RAD51AP2: variants seen among roughly 807,000 people sequenced by gnomAD.
RAD51AP2 encodes the protein RAD51 associated protein 2, also known as RAD51-associated protein 2.
RAD51AP2 carries 67 observed loss-of-function variants against 85.5 expected under a neutral mutation model. That is an observed-to-expected ratio of 0.78 (90% CI 0.64 to 0.96). The LOEUF is 0.96. Among genes scored for constraint, RAD51AP2 ranks in the 40% least tolerant of loss-of-function variants. The pLI, the probability that RAD51AP2 is intolerant of heterozygous loss-of-function variation, is 0.00. For missense variants in RAD51AP2, 1,307 were observed against 1,332.4 expected (o/e 0.98, Z 0.30); for synonymous variants, 474 against 446.5 (o/e 1.06, Z -0.78).
chr2:17,513,743 C>G (rs1662565904), intron 2 of RAD51AP2, among the ~76,000 whole-genome samples: 1 of 152,170 alleles, frequency 6.6e-6, no homozygotes, highest in Non-Finnish European at 1.5e-5. Flanking sequence ...ATATGCAACA[C>G]TTAACATATA....
chr2:17,510,801 A>C lies in RAD51AP2; in HGVS notation c.*3T>G. On this transcript the variant is annotated 3_prime_UTR_variant, in exon 3 of 3. Transcript: ENST00000399080. Reference sequence around the variant, plus strand: ...TGTTGTAAAATGTTTTGAAATATGAAAGTCAAAAATTTTCTTTTAAGTTTC... The same window carrying C: ...TGTTGTAAAATGTTTTGAAATATGACAGTCAAAAATTTTCTTTTAAGTTTC... 2 of 1,548,436 alleles carry C rather than the reference A, an allele frequency of 1.3e-6. No homozygotes were observed. The highest frequency in any genetic ancestry group is 2.4e-5 in the South Asian group (2 of 82,622).
rs1227006413 is a variant in RAD51AP2 at position 17,517,241 on chromosome 2, G to A, written c.1175C>T (p.Ser392Phe). ...DSYVLTRLEK[S>F]QNWDCNVRHI... ...TCTAACGTTACAGTCCCAGTTTTGAGATTTTTCCAGCCTGGTAAGTACGTA... is the reference window on the plus strand; with the variant it reads ...TCTAACGTTACAGTCCCAGTTTTGAAATTTTTCCAGCCTGGTAAGTACGTA... The change falls in exon 1 of 3, where the codon TCT becomes TTT. Residue 392 changes from serine to phenylalanine, a missense_variant. Around this residue, in one of 3 missense-constraint regions of RAD51AP2, gnomAD observed 635 missense variants for 643.6 expected, o/e 0.99. Transcript: ENST00000399080. 4 of 1,613,878 alleles carry A rather than the reference G, an allele frequency of 2.5e-6. No individual in the cohort carries two copies. The South Asian group carries it at 3.3e-5, about 13-fold the overall frequency.
Position 17,515,593 on chromosome 2 carries a change from T to C in RAD51AP2, c.2823A>G (p.Glu941=). ...ATTTAGCAGCTAAGTCCTGAAAACATTCATCATTCCCTTCACTCAGACCAG... is the reference window on the plus strand; with the variant it reads ...ATTTAGCAGCTAAGTCCTGAAAACACTCATCATTCCCTTCACTCAGACCAG... ...FETGLSEGND[E]CFQDLAAKYL... Residue 941 remains glutamate (E), a synonymous_variant, in exon 1 of 3, where the codon GAA becomes GAG. Coordinates refer to ENST00000399080, the MANE Select transcript of RAD51AP2 (RefSeq NM_001099218.3). The C allele has an allele frequency of 6.2e-7, 1 of 1,610,064 alleles. No homozygotes were observed. Among genetic ancestry groups the C allele is most frequent in the Non-Finnish European group, 8.5e-7 (1 of 1,178,504 alleles).
Position 17,517,899 on chromosome 2 carries a change from C to T in RAD51AP2, c.517G>A (p.Glu173Lys), listed in dbSNP as rs777899114. 2 of 1,614,120 alleles carry T rather than the reference C, an allele frequency of 1.2e-6. No individual in the cohort carries two copies. Among genetic ancestry groups the T allele is most frequent in the South Asian group, 1.1e-5 (1 of 91,068 alleles). Reference sequence around the variant, plus strand: ...TGGACAAACTGTTGTTTTCGATTCTCATTTCTAATTCCATGTATATCGTGT... The same window carrying T: ...TGGACAAACTGTTGTTTTCGATTCTTATTTCTAATTCCATGTATATCGTGT... ...SIHDIHGIRN[E>K]NRKQQFVQGR... is the part of the protein sequence containing the mutation. The change falls in exon 1 of 3, where the codon GAG becomes AAG. Residue 173 changes from glutamate to lysine, a missense_variant. This residue lies in a region of RAD51AP2 where 635 missense variants were observed against 643.6 expected (regional missense o/e 0.99). Transcript: ENST00000399080.
chr2:17,529,189 G>A, the RAD51AP2 span, among the ~76,000 whole-genome samples: 12 of 150,868 alleles, frequency 8.0e-5, no homozygotes, highest in Admixed American at 7.3e-4. Context: ...TCACTTGTTG[G>A]GACATGTCAA....
chr2:17,529,008 C>T, the RAD51AP2 span, among the ~76,000 whole-genome samples: 2 of 152,082 alleles, frequency 1.3e-5, no homozygotes, highest in African/African-American at 4.8e-5. Context: ...AAAAACTGTT[C>T]CCAGTCATAC....
chr2:17,517,800 G>C lies in RAD51AP2; in HGVS notation c.616C>G (p.His206Asp), dbSNP rs868503362. The change falls in exon 1 of 3, where the codon CAT becomes GAT. Residue 206 changes from histidine to aspartate, a missense_variant. Coordinates refer to ENST00000399080, the MANE Select transcript of RAD51AP2 (RefSeq NM_001099218.3). Reference sequence around the variant, plus strand: ...GCTTTACATCTGTTCTTAATTTCATGAAATGGTGATTTAGTTTCCTTGTAA... The same window carrying C: ...GCTTTACATCTGTTCTTAATTTCATCAAATGGTGATTTAGTTTCCTTGTAA... ...TFYKETKSPF[H>D]EIKNRCKANS... 1 of 1,614,068 alleles carries C rather than the reference G, an allele frequency of 6.2e-7. No individual in the cohort carries two copies. The highest frequency in any genetic ancestry group is 2.2e-5 in the East Asian group (1 of 44,888).
upstream of RAD51AP2, among the ~76,000 whole-genome samples, chr2:17,520,755 C>CTT (rs35395483): frequency 7.0e-4 from 93 of 133,526 alleles, no homozygotes; most frequent in East Asian, 3.7e-3. Context: ...CTTTCAGCTT[C>CTT]TTTTTTTTTT....
chr2:17,514,943 T>A (rs1355460032), intron 1 of RAD51AP2, among the ~76,000 whole-genome samples: 15 of 147,096 alleles, frequency 1.0e-4, no homozygotes, highest in African/African-American at 3.3e-4. Context: ...TTCCAAGGAG[T>A]AACTGCAGCT....
the RAD51AP2 span, among the ~76,000 whole-genome samples, chr2:17,537,094 A>C: frequency 6.6e-6 from 1 of 152,224 alleles, no homozygotes; most frequent in African/African-American, 2.4e-5. Flanking sequence ...CCAAAGCAGG[A>C]GGATTGCTTA....
the RAD51AP2 span, among the ~76,000 whole-genome samples, chr2:17,532,612 C>A: frequency 6.6e-6 from 1 of 152,072 alleles, no homozygotes; most frequent in Non-Finnish European, 1.5e-5. Flanking sequence ...TTCTTTAGAC[C>A]CTTTTGGAGG....
the RAD51AP2 span, among the ~76,000 whole-genome samples, chr2:17,534,376 C>T: frequency 1.3e-5 from 2 of 152,062 alleles, no homozygotes; most frequent in East Asian, 1.9e-4. Flanking sequence ...TCTTGTCATC[C>T]CAAGCAAGAA....
At chr2:17,529,158 C>A in the RAD51AP2 span, among the ~76,000 whole-genome samples, 633 of 151,774 alleles carry the variant, frequency 4.2e-3, 4 homozygotes, top group Non-Finnish European at 7.8e-3. Flanking sequence ...TATAAAATAT[C>A]TTATATATTA....
At position 17,510,702 on chromosome 2, in the gene RAD51AP2, A is replaced by C. The variant is rs562707670; in HGVS notation, c.*102T>G. Reference sequence around the variant, plus strand: ...TACACTCAAAAAAAAAAACTTCTCCACTTTATAATAAAGCAAGCCCCAAAC... The same window carrying C: ...TACACTCAAAAAAAAAAACTTCTCCCCTTTATAATAAAGCAAGCCCCAAAC... On this transcript the variant is annotated 3_prime_UTR_variant, in exon 3 of 3. Transcript: ENST00000399080. The C allele has an allele frequency of 1.5e-5, 10 of 671,944 alleles. No homozygotes were observed. The South Asian group carries it at 4.2e-4, about 28-fold the overall frequency. The allele number at this position is 671,944 out of a possible 1,614,324, so 41.6% of individuals were successfully genotyped here. A position where few individuals can be genotyped will look rare whatever the true frequency, so the allele number is the denominator to read the frequency against.
the RAD51AP2 span, among the ~76,000 whole-genome samples, chr2:17,525,789 C>A: frequency 1.8e-3 from 276 of 152,090 alleles, no homozygotes; most frequent in African/African-American, 6.5e-3. Flanking sequence ...AGTTATCTGG[C>A]CTGCACCTTG....
the RAD51AP2 span, among the ~76,000 whole-genome samples, chr2:17,532,488 C>T: frequency 2.0e-5 from 3 of 151,758 alleles, no homozygotes; most frequent in Admixed American, 1.3e-4. Flanking sequence ...TGAGACTAGC[C>T]TGGGCAACAT....
the RAD51AP2 span, among the ~76,000 whole-genome samples, chr2:17,523,691 G>C: frequency 0.029 from 4,465 of 151,938 alleles, 65 homozygotes; most frequent in Middle Eastern, 0.054. Context: ...TCATTTGATA[G>C]TTCTTTATGA....
chr2:17,517,264 G>C lies in RAD51AP2; in HGVS notation c.1152C>G (p.Tyr384Ter), dbSNP rs762014163. Residue 384 changes from tyrosine to a stop codon, truncating the protein, a stop_gained, in exon 1 of 3, where the codon TAC (tyrosine) becomes TAG (stop). Transcript: ENST00000399080. LOFTEE classifies it high-confidence loss of function. The stretch of plus-strand genomic sequence containing the variant: ...GAGATTTTTCCAGCCTGGTAAGTAC[G>C]TAACTGTCCAGACATTCTGCTTCCT... The part of the protein sequence containing the change: ...NWEEAECLDS[Y>*]VLTRLEKSQN... 9.9e-6 allele frequency: 16 copies of C among 1,613,748 alleles called. No homozygotes were observed. Among genetic ancestry groups the C allele is most frequent in the Non-Finnish European group, 1.4e-5 (16 of 1,179,802 alleles).
rs758741895 is a variant in RAD51AP2 at position 17,517,301 on chromosome 2, T to C, written c.1115A>G (p.Asn372Ser). 5.6e-6 allele frequency: 9 copies of C among 1,614,062 alleles called. No individual in the cohort carries two copies. Among genetic ancestry groups the C allele is most frequent in the Non-Finnish European group, 7.6e-6 (9 of 1,179,948 alleles). Residue 372 changes from asparagine to serine, a missense_variant, in exon 1 of 3, where the codon AAT becomes AGT. Physicochemically the swap from Asn to Ser is conservative, Grantham distance 46. This residue lies in a region of RAD51AP2 where 635 missense variants were observed against 643.6 expected (regional missense o/e 0.99). Transcript: ENST00000399080. Reference sequence around the variant, plus strand: ...ACATTCTGCTTCCTCCCAATTTGCATTTTCTAGTATAGCGAAATTCTTTCT... The same window carrying C: ...ACATTCTGCTTCCTCCCAATTTGCACTTTCTAGTATAGCGAAATTCTTTCT... Reference protein sequence around the residue: ...DSRKNFAILENANWEEAECLD... With the variant: ...DSRKNFAILESANWEEAECLD...
Sources: allele counts gnomAD v4.1 joint callset (sites outside exome capture counted in the v4.1 genomes callset), GRCh38; gene constraint gnomAD v4.1.1; regional missense constraint gnomAD v4.1.1; transcripts MANE v1.5; gene names NCBI Gene and HGNC (gene_info 2026-07-23, HGNC 2026-07-21).